The following EXTL3 variants were observed in gnomAD, a reference collection of about 807,000 sequenced individuals.
EXTL3 encodes the protein exostosin like glycosyltransferase 3, also known as exostosin-like 3.
In EXTL3, 27 loss-of-function variants were observed where a neutral mutation model predicts 69.3. That is an observed-to-expected ratio of 0.39 (90% confidence interval 0.29 to 0.54). EXTL3 has a LOEUF of 0.54. Among genes scored for constraint, EXTL3 ranks in the 20% least tolerant of loss-of-function variants. The probability of loss-of-function intolerance (pLI) is 0.69; values close to 1 mark genes in which losing one functional copy is unlikely to be tolerated. For missense variants in EXTL3, 1,003 were observed against 1,231.8 expected (o/e 0.81, Z 2.78); for synonymous variants, 511 against 499.4 (o/e 1.02, Z -0.31).
chr8:28,702,092 C>G (rs1164235595), intron 1 of EXTL3, among the ~76,000 whole-genome samples: 1 of 152,220 alleles, frequency 6.6e-6, no homozygotes, highest in Non-Finnish European at 1.5e-5. Context: ...TGGCCCGGAG[C>G]ATCTTCTGTC....
At chr8:28,730,956 G>A (rs1422900479) in intron 3 of EXTL3, among the ~76,000 whole-genome samples, 6 of 152,120 alleles carry the variant, frequency 3.9e-5, no homozygotes, top group East Asian at 3.8e-4. Flanking sequence ...TGTTTATTGC[G>A]TGTATAAAAT....
rs1806255744 is a variant in EXTL3 at position 28,610,347 on chromosome 8, T to C, written n.314+2589T>C. ...TCCTGGGGCAATTTCCTCATCTCTT[T>C]GTTAACAGATTGTTAGTCAGGTCCA... On this transcript the variant is annotated intron_variant and non_coding_transcript_variant, in intron 2 of 4. Coordinates refer to the EXTL3 transcript ENST00000522725. Among the ~76,000 whole-genome samples the C allele has an allele frequency of 2.0e-5, 3 of 152,266 alleles. No homozygotes were observed. The East Asian group carries it at 5.8e-4, about 29-fold the overall frequency.
At chr8:28,731,608 C>T (rs1020895134) in intron 4 of EXTL3, among the ~76,000 whole-genome samples, 9 of 152,188 alleles carry the variant, frequency 5.9e-5, no homozygotes, top group Non-Finnish European at 1.0e-4. Flanking sequence ...TGGCTAGACC[C>T]TGGTTACCTG....
At chr8:28,718,765 A>T (rs1232633228) in intron 3 of EXTL3, among the ~76,000 whole-genome samples, 2 of 151,956 alleles carry the variant, frequency 1.3e-5, no homozygotes, top group African/African-American at 4.9e-5. Flanking sequence ...TATTCATAGA[A>T]GTCTTTTGGA....
At chr8:28,721,514 C>T (rs1475253519) in intron 3 of EXTL3, among the ~76,000 whole-genome samples, 2 of 152,240 alleles carry the variant, frequency 1.3e-5, no homozygotes, top group African/African-American at 2.4e-5. Context: ...AACAGTAATT[C>T]TCCCTGTGTC....
intron 2 of EXTL3, among the ~76,000 whole-genome samples, chr8:28,610,573 A>G (rs1806258139): frequency 6.6e-6 from 1 of 152,078 alleles, no homozygotes. Context: ...AATAACAGTT[A>G]TCGGGCGCTT....
At chr8:28,678,172 G>A (rs1807419797) in intron 1 of EXTL3, 1 of 152,374 alleles carries the variant, frequency 6.6e-6, no homozygotes, top group Admixed American at 6.5e-5. Flanking sequence ...TACAAAAGAG[G>A]AATTCAAAGG....
At chr8:28,626,358 T>G (rs190593460) in intron 1 of EXTL3, among the ~76,000 whole-genome samples, 1 of 152,236 alleles carries the variant, frequency 6.6e-6, no homozygotes, top group African/African-American at 2.4e-5. Flanking sequence ...AGATCTGCTT[T>G]AAGCAGCTTA....
chr8:28,680,254 G>T (rs1807462658), intron 1 of EXTL3, among the ~76,000 whole-genome samples: 1 of 151,994 alleles, frequency 6.6e-6, no homozygotes, highest in Non-Finnish European at 1.5e-5. Context: ...AGCTGGGCAT[G>T]ATGGCAGGTG....
upstream of EXTL3, chr8:28,699,983 A>T: frequency 6.6e-6 from 1 of 151,608 alleles, no homozygotes; most frequent in Non-Finnish European, 1.5e-5. Flanking sequence ...GTCTCCTCCC[A>T]CACTGCCAAG....
chr8:28,735,280 G>T (rs1275409569), intron 4 of EXTL3, among the ~76,000 whole-genome samples: 1 of 152,172 alleles, frequency 6.6e-6, no homozygotes, highest in Non-Finnish European at 1.5e-5. Context: ...CTGGCGTGGT[G>T]AGCATAGTCG....
At chr8:28,665,416 CTTTTTT>C (rs34069791) in intron 1 of EXTL3, among the ~76,000 whole-genome samples, 1 of 115,428 alleles carries the variant, frequency 8.7e-6, no homozygotes, top group South Asian at 3.0e-4. Flanking sequence ...CACTTGTTTA[CTTTTTT>C]TTTTTTTTTT....
upstream of EXTL3, among the ~76,000 whole-genome samples, chr8:28,698,827 C>G (rs550222137): frequency 6.6e-5 from 10 of 152,290 alleles, 1 homozygote; most frequent in African/African-American, 2.2e-4. Flanking sequence ...AACCCTGTCT[C>G]TACTAAAAAT....
chr8:28,688,618 T>A (rs570974567), intron 1 of EXTL3, among the ~76,000 whole-genome samples: 1 of 152,276 alleles, frequency 6.6e-6, no homozygotes, highest in East Asian at 1.9e-4. Context: ...AGGATTCAAA[T>A]CTAAATCTTT....
At chr8:28,738,034 CTGACTTAGATATACCATGCCTG>C (rs1359229184) in intron 5 of EXTL3, among the ~76,000 whole-genome samples, 1 of 152,214 alleles carries the variant, frequency 6.6e-6, no homozygotes, top group Non-Finnish European at 1.5e-5. Flanking sequence ...GGGCACTTTT[CTGACTTAGATATACCATGCCTG>C]TCCCGGGCCC....
At position 28,715,318 on chromosome 8, in the gene EXTL3, T is replaced by C. The variant is rs185048113; in HGVS notation, c.-475-267T>C. Among the ~76,000 whole-genome samples the C allele has an allele frequency of 2.4e-4, 37 of 152,334 alleles. No individual in the cohort carries two copies. The East Asian group carries it at 6.9e-3, about 29-fold the overall frequency. On this transcript the variant is annotated intron_variant, in intron 2 of 6. Coordinates refer to ENST00000220562, the MANE Select transcript of EXTL3 (RefSeq NM_001440.4). Reference sequence around the variant, plus strand: ...TGGTCATCGTGTTACAGGGCTATAATGCCGCTCTAGATCCAGTTAAATAAG... The same window carrying C: ...TGGTCATCGTGTTACAGGGCTATAACGCCGCTCTAGATCCAGTTAAATAAG...
At chr8:28,635,418 T>C (rs1806637257) in intron 1 of EXTL3, among the ~76,000 whole-genome samples, 1 of 135,612 alleles carries the variant, frequency 7.4e-6, no homozygotes, top group Non-Finnish European at 1.6e-5. Flanking sequence ...AAAAAAAAAA[T>C]TGGCCGAGCG....
intron 1 of EXTL3, among the ~76,000 whole-genome samples, chr8:28,665,126 C>T (rs1807176089): frequency 8.1e-6 from 1 of 123,502 alleles, no homozygotes; most frequent in Non-Finnish European, 1.6e-5. Context: ...GACTGGGGTG[C>T]GATGGTGTGA....
intron 4 of EXTL3, among the ~76,000 whole-genome samples, chr8:28,737,197 C>G (rs1193853161): frequency 6.6e-6 from 1 of 152,208 alleles, no homozygotes; most frequent in African/African-American, 2.4e-5. Flanking sequence ...ATACCCCATT[C>G]TGGAGCCCTC....
Sources: gnomAD v4.1 joint callset for allele counts (sites outside exome capture counted in the v4.1 genomes callset) on GRCh38, gnomAD v4.1.1 for gene constraint, MANE v1.5 for transcripts, NCBI Gene and HGNC (gene_info 2026-07-23, HGNC 2026-07-21) for gene names.